Variants in PRKAA1 observed in about 807,000 individuals in gnomAD.
PRKAA1 encodes the protein 5'-AMP-activated protein kinase catalytic subunit alpha-1.
A neutral mutation model predicts 56.9 loss-of-function variants in PRKAA1; 23 were observed. The observed-to-expected ratio is 0.40, with a 90% CI of 0.29 to 0.57. The LOEUF (loss-of-function observed/expected upper bound fraction) is 0.57. Ranked by LOEUF, PRKAA1 falls within the 20% of genes least tolerant of loss-of-function variation. PRKAA1 has a pLI of 0.39. For missense variants in PRKAA1, 413 were observed against 679.7 expected (o/e 0.61, Z 4.36); for synonymous variants, 226 against 227.0 (o/e 1.00, Z 0.04).
chr5:40,788,902 C>A (rs1561186816), intron 1 of PRKAA1, among the ~76,000 whole-genome samples: 1 of 151,872 alleles, frequency 6.6e-6, no homozygotes, highest in Non-Finnish European at 1.5e-5. Context: ...ATTTACAAAT[C>A]ATGCATCAGA....
chr5:40,789,249 C>T (rs1236345701), intron 1 of PRKAA1, among the ~76,000 whole-genome samples: 5 of 151,910 alleles, frequency 3.3e-5, no homozygotes, highest in Admixed American at 1.3e-4. Flanking sequence ...AAATGGCCAA[C>T]AGATAGATGA....
chr5:40,766,651 A>G (rs904925985), intron 6 of PRKAA1, among the ~76,000 whole-genome samples: 2 of 152,190 alleles, frequency 1.3e-5, no homozygotes, highest in Admixed American at 1.3e-4. Context: ...AAAAAATACA[A>G]TAATTCATGA....
intron 1 of PRKAA1, among the ~76,000 whole-genome samples, chr5:40,795,685 T>C (rs1259966221): frequency 6.6e-6 from 1 of 152,250 alleles, no homozygotes; most frequent in African/African-American, 2.4e-5. Context: ...GATTTTCTAT[T>C]ACTTGTGGCA....
intron 5 of PRKAA1, chr5:40,768,794 G>A (rs1579718996): frequency 1.4e-6 from 2 of 1,412,538 alleles, no homozygotes; most frequent in Non-Finnish European, 1.8e-6. Flanking sequence ...GTAGTATAGT[G>A]AAGGACAAAG....
intron 5 of PRKAA1, chr5:40,768,499 T>A (rs947625141): frequency 2.0e-5 from 19 of 940,342 alleles, no homozygotes; most frequent in Non-Finnish European, 2.4e-5. Context: ...TTTTTAAAAA[T>A]TTTTTAAATA....
chr5:40,787,004 CA>C (rs1279940772), intron 1 of PRKAA1, among the ~76,000 whole-genome samples: 2 of 151,658 alleles, frequency 1.3e-5, no homozygotes, highest in Non-Finnish European at 2.9e-5. Flanking sequence ...GAAACTTCTT[CA>C]AGCTGAATAA....
At chr5:40,769,878 TAAAAA>T (rs3071208) in intron 4 of PRKAA1, among the ~76,000 whole-genome samples, 3 of 109,894 alleles carry the variant, frequency 2.7e-5, no homozygotes, top group East Asian at 2.7e-4. Context: ...TCTGATTCTT[TAAAAA>T]AAAAAAAAAA....
intron 1 of PRKAA1, among the ~76,000 whole-genome samples, chr5:40,780,850 C>T (rs988428380): frequency 6.6e-6 from 1 of 152,170 alleles, no homozygotes. Flanking sequence ...GACTCACATA[C>T]TAATCTCCTC....
chr5:40,765,610 C>T (rs1442712571), intron 6 of PRKAA1, among the ~76,000 whole-genome samples: 2 of 152,044 alleles, frequency 1.3e-5, no homozygotes, highest in Non-Finnish European at 2.9e-5. Flanking sequence ...AATGTAACAA[C>T]AAGAAAAATA....
rs533371388 is a variant in PRKAA1 at position 40,785,412 on chromosome 5, G to A, written c.128-7826C>T. On this transcript the variant is annotated intron_variant, in intron 1 of 8. Transcript: ENST00000397128. ...CTACCACCTCGCCCGGCTAATTTTT[G>A]TATGTTTAGTAGAGATGGGGTTTCA... is the stretch of plus-strand genomic sequence containing the variant. Among the ~76,000 whole-genome samples, 10 of 151,844 alleles carry A rather than the reference G, an allele frequency of 6.6e-5. No individual in the cohort carries two copies. In the South Asian group the frequency reaches 2.1e-3, roughly 32 times the overall value.
At chr5:40,785,835 CACACAGAG>C (rs1406198235) in intron 1 of PRKAA1, among the ~76,000 whole-genome samples, 226 of 142,110 alleles carry the variant, frequency 1.6e-3, no homozygotes, top group East Asian at 1.0e-2. Flanking sequence ...CACACACACA[CACACAGAG>C]AGAGAGAGAG....
At chr5:40,798,010 G>T in intron 1 of PRKAA1, 53 bp downstream of exon 1, 1 of 1,591,174 alleles carries the variant, frequency 6.3e-7, no homozygotes. Context: ...GCGGAAAGCG[G>T]AAGTCGTGCG....
rs773228528 is a variant in PRKAA1 at position 40,798,175 on chromosome 5, A to C, written c.15T>G (p.Ser5Arg). The C allele has an allele frequency of 1.4e-6, 2 of 1,455,374 alleles. No homozygotes were observed. The highest frequency in any genetic ancestry group is 1.5e-5 in the African/African-American group (1 of 66,122). 90.2% of individuals were successfully genotyped at this position (1,455,374 alleles called of 1,614,324 possible). MRRL[S>R]SWRKMATAEK... ...CGGCTGTCGCCATCTTTCTCCAGGA[A>C]CTGAGTCTGCGCATGGCGCTGCGGG... is the stretch of plus-strand genomic sequence containing the variant. Residue 5 changes from serine (S) to arginine (R), a missense_variant, in exon 1 of 9, where the codon AGT (serine) becomes AGG (arginine). This residue lies in a region of PRKAA1 where 61 missense variants were observed against 73.1 expected (regional missense o/e 0.83). Coordinates refer to ENST00000397128, the MANE Select transcript of PRKAA1 (RefSeq NM_006251.6).
chr5:40,775,452 G>T lies in PRKAA1; in HGVS notation c.321C>A (p.Val107=). ...TATAATCAAATAGCTCTCCTCCTGA[G>T]ACATATTCCATCACCATGAAAATAT... ...PSDIFMVMEY[V]SGGELFDYIC... is the part of the protein sequence containing the mutation. Residue 107 remains valine, a synonymous_variant, in exon 3 of 9, where the codon GTC becomes GTA. Transcript: ENST00000397128. 2 of 1,608,732 alleles carry T rather than the reference G, an allele frequency of 1.2e-6. No individual in the cohort carries two copies.
At chr5:40,796,652 AT>A (rs532807893) in intron 1 of PRKAA1, among the ~76,000 whole-genome samples, 3 of 152,280 alleles carry the variant, frequency 2.0e-5, no homozygotes, top group African/African-American at 7.2e-5. Flanking sequence ...GCAGATTTTC[AT>A]AAGAAGGTTC....
At position 40,764,864 on chromosome 5, in the gene PRKAA1, T is replaced by C; in HGVS notation, c.1196A>G (p.His399Arg). ...LDELNPQKSK[H>R]QGVRKAKWHL... is the part of the protein sequence containing the mutation. ...CCATTTTGCTTTCCTTACACCTTGGTGTTTGGATTTCTGTGGATTTAATTC... is the reference window on the plus strand; with the variant it reads ...CCATTTTGCTTTCCTTACACCTTGGCGTTTGGATTTCTGTGGATTTAATTC... Residue 399 changes from histidine to arginine, a missense_variant, in exon 7 of 9, where the codon CAC becomes CGC. Physicochemically the swap from His to Arg is conservative, Grantham distance 29. Coordinates refer to ENST00000397128, the MANE Select transcript of PRKAA1 (RefSeq NM_006251.6). 6.2e-7 allele frequency: 1 copy of C among 1,614,182 alleles called. No homozygotes were observed. The highest frequency in any genetic ancestry group is 8.5e-7 in the Non-Finnish European group (1 of 1,180,030).
intron 1 of PRKAA1, among the ~76,000 whole-genome samples, chr5:40,785,483 GC>G (rs202103552): frequency 4.6e-5 from 7 of 151,630 alleles, no homozygotes; most frequent in African/African-American, 1.5e-4. Flanking sequence ...CAGGTGATCC[GC>G]CCCCCCTCGG....
At chr5:40,782,039 A>G (rs1024342740) in intron 1 of PRKAA1, among the ~76,000 whole-genome samples, 1 of 152,170 alleles carries the variant, frequency 6.6e-6, no homozygotes, top group African/African-American at 2.4e-5. Context: ...AAGAATCTCC[A>G]AGCTCTGGCT....
intron 1 of PRKAA1, among the ~76,000 whole-genome samples, chr5:40,787,997 A>T (rs1744567392): frequency 6.6e-6 from 1 of 152,230 alleles, no homozygotes; most frequent in African/African-American, 2.4e-5. Flanking sequence ...AAGGGACTGA[A>T]AAAGATATTC....
Sources: allele counts gnomAD v4.1 joint callset (sites outside exome capture counted in the v4.1 genomes callset), GRCh38; gene constraint gnomAD v4.1.1; regional missense constraint gnomAD v4.1.1; transcripts MANE v1.5; gene names NCBI Gene and HGNC (gene_info 2026-07-23, HGNC 2026-07-21).